TSKU: variants seen among roughly 807,000 people sequenced by gnomAD.
The protein encoded by TSKU is tsukushi, small leucine rich proteoglycan, also known as tsukushi.
TSKU carries 4 observed loss-of-function variants against 11.2 expected under a neutral mutation model. The observed-to-expected ratio is 0.36, with a 90% CI of 0.18 to 0.82. TSKU has a LOEUF of 0.82. TSKU is among the 40% of genes least tolerant of loss of function. TSKU has a pLI of 0.50. For missense variants in TSKU, 407 were observed against 482.5 expected (o/e 0.84, Z 1.47); for synonymous variants, 220 against 232.2 (o/e 0.95, Z 0.48).
At chr11:76,791,980 G>A (rs1352356435) in intron 1 of TSKU, 3 of 152,714 alleles carry the variant, frequency 2.0e-5, no homozygotes, top group East Asian at 3.8e-4. Context: ...ACCGCAGAAT[G>A]GCAGATCCAC....
chr11:76,788,315 A>G (rs1399832391), intron 1 of TSKU, among the ~76,000 whole-genome samples: 1 of 151,850 alleles, frequency 6.6e-6, no homozygotes, highest in African/African-American at 2.4e-5. Context: ...GGAGCTGGAA[A>G]ACTTTACAGA....
chr11:76,791,602 G>A (rs930835746), intron 1 of TSKU: 27 of 152,242 alleles, frequency 1.8e-4, no homozygotes, highest in African/African-American at 5.1e-4. Flanking sequence ...CCAAGACTTC[G>A]CAGGTTCCAG....
intron 1 of TSKU, chr11:76,792,295 C>T (rs1360024703): frequency 2.6e-5 from 4 of 152,244 alleles, no homozygotes; most frequent in African/African-American, 9.6e-5. Flanking sequence ...CCTGTACCCC[C>T]ACTGTATCTA....
chr11:76,793,225 G>A (rs967946579), intron 1 of TSKU, among the ~76,000 whole-genome samples: 2 of 152,240 alleles, frequency 1.3e-5, no homozygotes, highest in African/African-American at 2.4e-5. Context: ...TCTTTACATC[G>A]GCTGTTACTA....
chr11:76,794,815 C>G (rs1944419975), intron 1 of TSKU, among the ~76,000 whole-genome samples: 1 of 152,170 alleles, frequency 6.6e-6, no homozygotes, highest in Non-Finnish European at 1.5e-5. Context: ...GCTAGGGGGA[C>G]AGGGCAGGTG....
At chr11:76,793,383 C>T (rs1272848797) in intron 1 of TSKU, among the ~76,000 whole-genome samples, 2 of 152,212 alleles carry the variant, frequency 1.3e-5, no homozygotes, top group Non-Finnish European at 2.9e-5. Context: ...GAGGACAAGG[C>T]TGAGGCTTAA....
chr11:76,796,240 C>T lies in TSKU; in HGVS notation c.624C>T (p.Arg208=). The T allele has an allele frequency of 6.2e-7, 1 of 1,613,642 alleles. No individual in the cohort carries two copies. Among genetic ancestry groups the T allele is most frequent in the Non-Finnish European group, 8.5e-7 (1 of 1,180,016 alleles). Residue 208 remains arginine (R), a synonymous_variant, in exon 2 of 2, where the codon CGC becomes CGT. Transcript: ENST00000333090. This position sits in a 1 kb window ranked among gnomAD's most constrained non-coding sequence, Gnocchi z 4.1. ...CCAACCTCCGAGACTTGCCCCTGCGCTACCTGAGCCTGGATGGGAACCCTC... is the reference window on the plus strand; with the variant it reads ...CCAACCTCCGAGACTTGCCCCTGCGTTACCTGAGCCTGGATGGGAACCCTC... ...AVPNLRDLPL[R]YLSLDGNPLA... is the part of the protein sequence containing the mutation.
At chr11:76,789,734 A>G (rs751744183) in intron 1 of TSKU, among the ~76,000 whole-genome samples, 1 of 152,142 alleles carries the variant, frequency 6.6e-6, no homozygotes. Flanking sequence ...TGACTGAAAG[A>G]TCCCTTTCTC....
intron 1 of TSKU, among the ~76,000 whole-genome samples, chr11:76,794,844 G>A (rs1378972443): frequency 6.6e-6 from 1 of 152,150 alleles, no homozygotes; most frequent in African/African-American, 2.4e-5. Context: ...GTGCGGTGGG[G>A]CAGTCACTGC....
intron 1 of TSKU, among the ~76,000 whole-genome samples, chr11:76,794,665 A>C (rs1275845394): frequency 6.6e-6 from 1 of 152,212 alleles, no homozygotes; most frequent in Non-Finnish European, 1.5e-5. Context: ...GTAGTAGCTT[A>C]ATCTGCTGGT....
chr11:76,796,210 C>T lies in TSKU; in HGVS notation c.594C>T (p.Ala198=), dbSNP rs201236221. The change falls in exon 2 of 2, where the codon GCC becomes GCT. Residue 198 remains alanine, a synonymous_variant. Coordinates refer to ENST00000333090, the MANE Select transcript of TSKU (RefSeq NM_015516.4). This position sits in a 1 kb window ranked among gnomAD's most constrained non-coding sequence, Gnocchi z 4.1. ...ACCTGGCCTGGAACCGGCTCCATGC[C>T]GTGCCCAACCTCCGAGACTTGCCCC... ...SLNLAWNRLH[A]VPNLRDLPLR... 35 of 1,613,596 alleles carry T rather than the reference C, an allele frequency of 2.2e-5. No individual in the cohort carries two copies. The highest frequency in any genetic ancestry group is 1.2e-4 in the South Asian group (11 of 91,086).
At chr11:76,794,899 C>CTGGTCTTGAA (rs1944420945) in intron 1 of TSKU, among the ~76,000 whole-genome samples, 1 of 152,204 alleles carries the variant, frequency 6.6e-6, no homozygotes, top group South Asian at 2.1e-4. Flanking sequence ...AGGCCAGCCC[C>CTGGTCTTGAA]GGCCAGACCA....
intron 1 of TSKU, among the ~76,000 whole-genome samples, chr11:76,789,611 C>T (rs1047482528): frequency 6.6e-6 from 1 of 152,224 alleles, no homozygotes; most frequent in African/African-American, 2.4e-5. Flanking sequence ...CCCCAAATCA[C>T]AGATGGATGT....
intron 1 of TSKU, among the ~76,000 whole-genome samples, chr11:76,788,576 C>T (rs931055191): frequency 6.6e-6 from 1 of 152,200 alleles, no homozygotes; most frequent in African/African-American, 2.4e-5. Flanking sequence ...GTCTACCACA[C>T]ATTGAGTATT....
At chr11:76,787,806 G>A (rs1273771523) in intron 1 of TSKU, among the ~76,000 whole-genome samples, 1 of 152,224 alleles carries the variant, frequency 6.6e-6, no homozygotes, top group East Asian at 1.9e-4. Context: ...TCATTTGTAA[G>A]CTGAGGCAGA....
intron 1 of TSKU, among the ~76,000 whole-genome samples, chr11:76,789,717 T>A (rs1302430629): frequency 6.6e-6 from 1 of 152,234 alleles, no homozygotes; most frequent in Non-Finnish European, 1.5e-5. Context: ...AAAAAAATGT[T>A]GAATCTTGAC....
At chr11:76,794,844 G>C (rs1378972443) in intron 1 of TSKU, among the ~76,000 whole-genome samples, 1 of 152,150 alleles carries the variant, frequency 6.6e-6, no homozygotes, top group Non-Finnish European at 1.5e-5. Context: ...GTGCGGTGGG[G>C]CAGTCACTGC....
At chr11:76,785,090 G>A (rs191299489) in intron 1 of TSKU, among the ~76,000 whole-genome samples, 14 of 152,266 alleles carry the variant, frequency 9.2e-5, no homozygotes, top group African/African-American at 2.9e-4. Context: ...GCACTACTTT[G>A]CTCCCCAGGA....
rs1463228408 is a variant in TSKU, at chr11:76,796,085, G to A, written c.469G>A (p.Gly157Ser). Residue 157 changes from glycine to serine, a missense_variant, in exon 2 of 2, where the codon GGC becomes AGC. Transcript: ENST00000333090. The surrounding 1 kb of genome is among the most constrained non-coding windows in gnomAD (Gnocchi z 4.1). ...SVSAFTTHSQGRALHVDLSHN... is the reference protein window; with the variant it reads ...SVSAFTTHSQSRALHVDLSHN... ...GTCTGCCTTCACGACGCACAGTCAGGGCCGGGCACTACACGTGGACCTCTC... is the reference window on the plus strand; with the variant it reads ...GTCTGCCTTCACGACGCACAGTCAGAGCCGGGCACTACACGTGGACCTCTC... 1.2e-6 allele frequency: 2 copies of A among 1,613,922 alleles called. No individual in the cohort carries two copies. Among genetic ancestry groups the A allele is most frequent in the Non-Finnish European group, 1.7e-6 (2 of 1,180,040 alleles).
Sources: allele counts gnomAD v4.1 joint callset (sites outside exome capture counted in the v4.1 genomes callset), GRCh38; gene constraint gnomAD v4.1.1; non-coding constraint Gnocchi (gnomAD v3.1); transcripts MANE v1.5; gene names NCBI Gene and HGNC (gene_info 2026-07-23, HGNC 2026-07-21).